The following PCDHGA9 variants were observed in gnomAD, a reference collection of about 807,000 sequenced individuals.
The protein encoded by PCDHGA9 is protocadherin gamma-A9.
A neutral mutation model predicts 62.5 loss-of-function variants in PCDHGA9; 37 were observed. That is an observed-to-expected ratio of 0.59 (90% CI 0.46 to 0.78). The LOEUF (loss-of-function observed/expected upper bound fraction) is 0.78, where lower values mean the gene tolerates loss of function less well. Among genes scored for constraint, PCDHGA9 ranks in the 30% least tolerant of loss-of-function variants. The probability of loss-of-function intolerance (pLI) is 0.00; values close to 1 mark genes in which losing one functional copy is unlikely to be tolerated. For synonymous variants in PCDHGA9, 459 were observed against 484.6 expected (o/e 0.95, Z 0.69); for missense variants, 1,138 against 1,166.2 (o/e 0.98, Z 0.35).
At chr5:141,418,815 T>A in intron 1 of PCDHGA9, 1 of 1,613,864 alleles carries the variant, frequency 6.2e-7, no homozygotes, top group East Asian at 2.2e-5. Flanking sequence ...ACGATAAACA[T>A]AGAAGCAAAA....
rs1161188105 is a variant in PCDHGA9, at chr5:141,427,974, G to A, written c.2424+22598G>A. 9 of 1,594,458 alleles carry A rather than the reference G, an allele frequency of 5.6e-6. No individual in the cohort carries two copies. In the Admixed American group the frequency reaches 1.5e-4, roughly 27 times the overall value. ...CAATGTGCCGCGGGTGCTGTACCCC[G>A]CGCTGGGGCCCGATGGCTCCGCACT... On this transcript the variant is annotated intron_variant, in intron 1 of 3. Transcript: ENST00000573521.
rs1427742903 is a variant in PCDHGA9 at position 141,477,916 on chromosome 5, A to G, written c.2425-16891A>G. On this transcript the variant is annotated intron_variant, in intron 1 of 3. Coordinates refer to ENST00000573521, the MANE Select transcript of PCDHGA9 (RefSeq NM_018921.3). This position sits in a 1 kb window ranked among gnomAD's most constrained non-coding sequence, Gnocchi z 4.9. ...GGGTGGTAGGCTGGGACGCGGATGC[A>G]GGGCACAATGCCTGGCTCTCCTACA... The G allele has an allele frequency of 1.2e-6, 2 of 1,614,042 alleles. No homozygotes were observed. The highest frequency in any genetic ancestry group is 2.7e-5 in the African/African-American group (2 of 74,932).
intron 1 of PCDHGA9, among the ~76,000 whole-genome samples, chr5:141,481,668 A>G (rs1051166504): frequency 6.6e-6 from 1 of 152,090 alleles, no homozygotes; most frequent in Admixed American, 6.6e-5. Flanking sequence ...TAATACAAAA[A>G]TCAGGCCGGG....
At chr5:141,433,765 A>G (rs1389737053) in intron 1 of PCDHGA9, among the ~76,000 whole-genome samples, 1 of 148,692 alleles carries the variant, frequency 6.7e-6, no homozygotes, top group Non-Finnish European at 1.5e-5. Flanking sequence ...TTAACCTGGG[A>G]GGTGGAGGTT....
chr5:141,480,837 G>T (rs1435750544), intron 1 of PCDHGA9, among the ~76,000 whole-genome samples: 2 of 152,168 alleles, frequency 1.3e-5, no homozygotes, highest in African/African-American at 4.8e-5. Flanking sequence ...ATAAGATCAG[G>T]AGTTTGAGAC....
intron 1 of PCDHGA9, among the ~76,000 whole-genome samples, chr5:141,466,358 A>G (rs1210013683): frequency 6.6e-6 from 1 of 152,066 alleles, no homozygotes; most frequent in Admixed American, 6.5e-5. Flanking sequence ...GCTAATCTAG[A>G]TGTAATGGTT....
At chr5:141,430,595 G>T (rs549786394) in intron 1 of PCDHGA9, 3 of 567,018 alleles carry the variant, frequency 5.3e-6, no homozygotes, top group African/African-American at 1.9e-5. Context: ...CCTTGCACGC[G>T]CCTGAAGCAC....
chr5:141,414,472 A>G (rs1039987036), intron 1 of PCDHGA9: 1 of 1,613,914 alleles, frequency 6.2e-7, no homozygotes, highest in African/African-American at 1.3e-5. Flanking sequence ...AGATGGGGGA[A>G]GTCCTCCTCT....
intron 1 of PCDHGA9, chr5:141,471,166 C>T (rs1427053969): frequency 2.0e-5 from 3 of 150,492 alleles, no homozygotes; most frequent in Non-Finnish European, 2.9e-5. Context: ...TCTCCTGGCT[C>T]AGCCTCCCTA....
At chr5:141,484,468 C>T (rs2099596877) in intron 1 of PCDHGA9, among the ~76,000 whole-genome samples, 1 of 152,200 alleles carries the variant, frequency 6.6e-6, no homozygotes, top group South Asian at 2.1e-4. Context: ...ATGTGTAAGC[C>T]TTTTCTGCAA....
chr5:141,425,348 A>C (rs2096869744), intron 1 of PCDHGA9, among the ~76,000 whole-genome samples: 1 of 152,242 alleles, frequency 6.6e-6, no homozygotes, highest in Non-Finnish European at 1.5e-5. Context: ...GTTGGCTTTG[A>C]AATGTGATAT....
rs768559201 is a variant in PCDHGA9, at chr5:141,431,344, G to A, written c.2424+25968G>A. Reference sequence around the variant, plus strand: ...ACGGTAGTAAGTACCCCGAATTGGTGCTGAAACGCGCCCTGGACCGCGAAG... The same window carrying A: ...ACGGTAGTAAGTACCCCGAATTGGTACTGAAACGCGCCCTGGACCGCGAAG... On this transcript the variant is annotated intron_variant, in intron 1 of 3. Coordinates refer to ENST00000573521, the MANE Select transcript of PCDHGA9 (RefSeq NM_018921.3). The surrounding 1 kb of genome is among the most constrained non-coding windows in gnomAD (Gnocchi z 4.8). 3.9e-5 allele frequency: 63 copies of A among 1,614,078 alleles called. No homozygotes were observed. Among genetic ancestry groups the A allele is most frequent in the Non-Finnish European group, 5.0e-5 (59 of 1,180,044 alleles).
chr5:141,410,161 A>C (rs2095363664), intron 1 of PCDHGA9: 1 of 1,613,220 alleles, frequency 6.2e-7, no homozygotes, highest in African/African-American at 1.3e-5. Context: ...GACAGCCGCC[A>C]CTCTCTGCCA....
intron 1 of PCDHGA9, among the ~76,000 whole-genome samples, chr5:141,456,845 C>T (rs1308477735): frequency 6.6e-6 from 1 of 152,092 alleles, no homozygotes; most frequent in African/African-American, 2.4e-5. Context: ...CGCCTGTAAT[C>T]CCAGCTAATT....
chr5:141,495,870 CCT>C (rs1183994771), intron 2 of PCDHGA9, among the ~76,000 whole-genome samples: 2 of 152,100 alleles, frequency 1.3e-5, no homozygotes. Flanking sequence ...TTTCTGCTTT[CCT>C]CTCTGTTCTT....
rs1433790348 is a variant in PCDHGA9, at chr5:141,431,831, G to A, written c.2424+26455G>A. The A allele has an allele frequency of 1.2e-6, 2 of 1,614,110 alleles. No homozygotes were observed. The highest frequency in any genetic ancestry group is 1.7e-6 in the Non-Finnish European group (2 of 1,180,040). On this transcript the variant is annotated intron_variant, in intron 1 of 3. Transcript: ENST00000573521. The surrounding 1 kb of genome is among the most constrained non-coding windows in gnomAD (Gnocchi z 4.8). Reference sequence around the variant, plus strand: ...CACCTCTCTCGCCAGCTCGGTTCCCGAAAACTCTCCCAGAGGGACATTAAT... The same window carrying A: ...CACCTCTCTCGCCAGCTCGGTTCCCAAAAACTCTCCCAGAGGGACATTAAT...
intron 1 of PCDHGA9, among the ~76,000 whole-genome samples, chr5:141,458,982 C>G (rs2098958289): frequency 6.6e-6 from 1 of 152,164 alleles, no homozygotes; most frequent in Admixed American, 6.5e-5. Flanking sequence ...GTCCTCCTGC[C>G]TCACCCTCCC....
Position 141,487,322 on chromosome 5 carries a change from C to T in PCDHGA9, c.2425-7485C>T, listed in dbSNP as rs760334964. 7.4e-6 allele frequency: 12 copies of T among 1,614,134 alleles called. No homozygotes were observed. Among genetic ancestry groups the T allele is most frequent in the South Asian group, 3.3e-5 (3 of 91,082 alleles). ...CGTGGCACTACTCTCTAAGTGTCTT[C>T]GTGGGGCAGCCTGTGGAGTCACATG... On this transcript the variant is annotated intron_variant, in intron 1 of 3. Coordinates refer to ENST00000573521, the MANE Select transcript of PCDHGA9 (RefSeq NM_018921.3). The surrounding 1 kb of genome is among the most constrained non-coding windows in gnomAD (Gnocchi z 5.0).
In PCDHGA9 at chr5:141,415,152, C is replaced by G. The variant is rs758450562; in HGVS notation, c.2424+9776C>G. ...AGGACCACGGCCAGCCCCCTCTCTCCGCCACTGTCACGCTCACCGTGGCCG... is the reference window on the plus strand; with the variant it reads ...AGGACCACGGCCAGCCCCCTCTCTCGGCCACTGTCACGCTCACCGTGGCCG... On this transcript the variant is annotated intron_variant, in intron 1 of 3. Transcript: ENST00000573521. The G allele has an allele frequency of 1.9e-6, 3 of 1,613,812 alleles. No individual in the cohort carries two copies. In the Admixed American group the frequency reaches 5.0e-5, roughly 27 times the overall value.
Sources: gnomAD v4.1 joint callset for allele counts (sites outside exome capture counted in the v4.1 genomes callset) on GRCh38, gnomAD v4.1.1 for gene constraint, Gnocchi (gnomAD v3.1) non-coding constraint, MANE v1.5 for transcripts, NCBI Gene and HGNC (gene_info 2026-07-23, HGNC 2026-07-21) for gene names.